Variants in OTUD7B observed in about 807,000 individuals in gnomAD.
OTUD7B encodes OTU domain-containing protein 7B.
In OTUD7B, 34 loss-of-function variants were observed where a neutral mutation model predicts 82.2. The observed-to-expected ratio is 0.41, with a 90% CI of 0.31 to 0.55. The LOEUF (loss-of-function observed/expected upper bound fraction) is 0.55. Among genes scored for constraint, OTUD7B ranks in the 20% least tolerant of loss-of-function variants. The pLI is 0.20. For missense variants in OTUD7B, 944 were observed against 1,062.1 expected (o/e 0.89, Z 1.55); for synonymous variants, 398 against 402.7 (o/e 0.99, Z 0.14).
chr1:150,008,831 A>C (rs1037697330), intron 1 of OTUD7B, among the ~76,000 whole-genome samples: 3 of 152,188 alleles, frequency 2.0e-5, no homozygotes, highest in South Asian at 2.1e-4. Context: ...TTACCTTCTT[A>C]ATTATTCCTA....
chr1:150,000,450 G>A (rs1161771096), intron 1 of OTUD7B, among the ~76,000 whole-genome samples: 2 of 151,814 alleles, frequency 1.3e-5, no homozygotes, highest in Non-Finnish European at 2.9e-5. Context: ...ACTCCAGCCT[G>A]GGTGACGGAG....
intron 7 of OTUD7B, among the ~76,000 whole-genome samples, chr1:149,953,664 G>T (rs587622061): frequency 6.6e-6 from 1 of 152,208 alleles, no homozygotes; most frequent in South Asian, 2.1e-4. Context: ...ACGATACTGA[G>T]TCTTCCTATC....
At chr1:149,989,541 A>C (rs1651416018) in intron 1 of OTUD7B, among the ~76,000 whole-genome samples, 1 of 150,142 alleles carries the variant, frequency 6.7e-6, no homozygotes, top group Non-Finnish European at 1.5e-5. Flanking sequence ...CTGTAGTCCC[A>C]GTGAGACCCA....
intron 11 of OTUD7B, among the ~76,000 whole-genome samples, chr1:149,946,470 G>T (rs1288460385): frequency 6.6e-6 from 1 of 152,092 alleles, no homozygotes; most frequent in Non-Finnish European, 1.5e-5. Flanking sequence ...GGCTGGGTGT[G>T]GTGGCTCATG....
chr1:150,011,785 C>T (rs58137104), upstream of OTUD7B, among the ~76,000 whole-genome samples: 4,921 of 152,222 alleles, frequency 0.032, 259 homozygotes, highest in African/African-American at 0.11. Context: ...TAATGTATTG[C>T]CTAATTGTGC....
the OTUD7B span, among the ~76,000 whole-genome samples, chr1:150,059,181 G>A: frequency 5.5e-3 from 815 of 148,402 alleles, 4 homozygotes; most frequent in African/African-American, 0.019. Flanking sequence ...AGCCTCCTGA[G>A]TAGCTGGGAT....
intron 1 of OTUD7B, among the ~76,000 whole-genome samples, chr1:150,009,571 T>C (rs962232570): frequency 2.0e-5 from 3 of 152,222 alleles, no homozygotes; most frequent in African/African-American, 4.8e-5. Flanking sequence ...CCTGAAAAGT[T>C]TGTGGGGAAC....
chr1:150,007,624 A>T (rs1652752493), intron 1 of OTUD7B, among the ~76,000 whole-genome samples: 1 of 152,184 alleles, frequency 6.6e-6, no homozygotes, highest in African/African-American at 2.4e-5. Context: ...CTGTCACTGG[A>T]GCATGGAGAC....
chr1:150,023,563 T>C, the OTUD7B span, among the ~76,000 whole-genome samples: 2 of 152,298 alleles, frequency 1.3e-5, no homozygotes, highest in South Asian at 2.1e-4. Flanking sequence ...ATCTCACTTA[T>C]ATGTGGAATC....
At chr1:150,022,183 A>C in the OTUD7B span, among the ~76,000 whole-genome samples, 1 of 152,170 alleles carries the variant, frequency 6.6e-6, no homozygotes, top group African/African-American at 2.4e-5. Flanking sequence ...GGATCACCTG[A>C]GGTCGGGAGT....
the OTUD7B span, among the ~76,000 whole-genome samples, chr1:150,028,493 GTAT>G: frequency 6.6e-6 from 1 of 151,944 alleles, no homozygotes; most frequent in Non-Finnish European, 1.5e-5. Flanking sequence ...CAGTTCAATG[GTAT>G]TAAGCACATC....
At chr1:150,002,748 T>C (rs1553785156) in intron 1 of OTUD7B, among the ~76,000 whole-genome samples, 2 of 152,134 alleles carry the variant, frequency 1.3e-5, no homozygotes, top group Admixed American at 6.5e-5. Context: ...TGAAAATGAA[T>C]GAGGAAAACT....
chr1:149,973,549 G>A (rs113979006), intron 2 of OTUD7B, among the ~76,000 whole-genome samples: 2,902 of 152,240 alleles, frequency 0.019, 77 homozygotes, highest in African/African-American at 0.063. Flanking sequence ...GCAGTGGCAC[G>A]ATCTCGGCTC....
intron 1 of OTUD7B, among the ~76,000 whole-genome samples, chr1:150,000,671 T>C (rs2101926155): frequency 6.6e-6 from 1 of 152,110 alleles, no homozygotes; most frequent in South Asian, 2.1e-4. Flanking sequence ...AACAAAACTG[T>C]ATGTTGCCTA....
At chr1:150,024,334 C>T in the OTUD7B span, among the ~76,000 whole-genome samples, 18 of 152,120 alleles carry the variant, frequency 1.2e-4, no homozygotes, top group African/African-American at 4.1e-4. Flanking sequence ...TCCTGATTAT[C>T]GCCTCTGCAC....
At chr1:150,047,267 C>T in the OTUD7B span, among the ~76,000 whole-genome samples, 1 of 152,178 alleles carries the variant, frequency 6.6e-6, no homozygotes, top group Non-Finnish European at 1.5e-5. Context: ...GTATCTTATT[C>T]CTTTAACATC....
At chr1:149,953,534 C>CT (rs1281995617) in intron 7 of OTUD7B, among the ~76,000 whole-genome samples, 3 of 152,108 alleles carry the variant, frequency 2.0e-5, no homozygotes, top group Non-Finnish European at 4.4e-5. Context: ...AATGCAGGCT[C>CT]TTTTTTGGTT....
At chr1:150,046,158 G>C in the OTUD7B span, among the ~76,000 whole-genome samples, 1 of 152,096 alleles carries the variant, frequency 6.6e-6, no homozygotes, top group Non-Finnish European at 1.5e-5. Context: ...CTAAAAATTG[G>C]CTGTTACAGA....
intron 2 of OTUD7B, among the ~76,000 whole-genome samples, chr1:149,976,633 A>AAAAAAAAAAAAAAAAAAAAT (rs1176193849): frequency 9.7e-6 from 1 of 102,646 alleles, no homozygotes; most frequent in Non-Finnish European, 1.9e-5. Flanking sequence ...AAAAAAAAAT[A>AAAAAAAAAAAAAAAAAAAAT]CTAGAACATT....
Sources: allele counts gnomAD v4.1 joint callset (sites outside exome capture counted in the v4.1 genomes callset), GRCh38; gene constraint gnomAD v4.1.1; transcripts MANE v1.5; gene names NCBI Gene and HGNC (gene_info 2026-07-23, HGNC 2026-07-21).